Variants in RNF144A observed in about 807,000 individuals in gnomAD.
The protein encoded by RNF144A is E3 ubiquitin-protein ligase RNF144A.
RNF144A carries 11 observed loss-of-function variants against 38.7 expected under a neutral mutation model. The ratio of observed to expected loss-of-function variants is 0.28; its 90% CI spans 0.18 to 0.47. The LOEUF is 0.47. Ranked by LOEUF, RNF144A falls within the 20% of genes least tolerant of loss-of-function variation. The probability of loss-of-function intolerance (pLI) is 0.99; values close to 1 mark genes in which losing one functional copy is unlikely to be tolerated. For missense variants in RNF144A, 316 were observed against 377.2 expected (o/e 0.84, Z 1.34); for synonymous variants, 149 against 143.9 (o/e 1.04, Z -0.25).
intron 2 of RNF144A, among the ~76,000 whole-genome samples, chr2:6,950,680 T>G (rs1313473538): frequency 6.6e-6 from 1 of 152,266 alleles, no homozygotes; most frequent in Admixed American, 6.5e-5. Flanking sequence ...AAGAGTTTCC[T>G]TTAAAATTTA....
intron 2 of RNF144A, among the ~76,000 whole-genome samples, chr2:6,954,381 A>G (rs548961696): frequency 6.6e-6 from 1 of 152,340 alleles, no homozygotes; most frequent in East Asian, 1.9e-4. Context: ...AAAGCCTTAA[A>G]TTCTCAGTTT....
chr2:6,960,527 G>A (rs1469934519), intron 2 of RNF144A, among the ~76,000 whole-genome samples: 3 of 152,170 alleles, frequency 2.0e-5, no homozygotes, highest in East Asian at 3.8e-4. Flanking sequence ...ACACACAACC[G>A]GGGAAGTATA....
intron 3 of RNF144A, among the ~76,000 whole-genome samples, chr2:7,000,041 G>A (rs367906): frequency 0.25 from 37,361 of 152,136 alleles, 5,728 homozygotes; most frequent in Non-Finnish European, 0.35. Context: ...AAAGGGACTG[G>A]CCTAGCAATT....
chr2:7,020,597 C>A lies in RNF144A; in HGVS notation c.426C>A (p.Phe142Leu). 1 of 1,611,740 alleles carries A rather than the reference C, an allele frequency of 6.2e-7. No homozygotes were observed. The highest frequency in any genetic ancestry group is 1.1e-5 in the South Asian group (1 of 91,088). ...PVQCKACRME[F>L]CSTCKASWHP... ...AGTGCAAAGCCTGCCGTATGGAATT[C>A]TGCTCCACCTGCAAAGCCAGCTGGC... Residue 142 changes from phenylalanine (F) to leucine (L), a missense_variant, in exon 6 of 9, where the codon TTC (phenylalanine) becomes TTA (leucine). Physicochemically the swap from Phe to Leu is conservative, Grantham distance 22. Coordinates refer to ENST00000320892, the MANE Select transcript of RNF144A (RefSeq NM_014746.6).
intron 1 of RNF144A, among the ~76,000 whole-genome samples, chr2:6,936,740 A>G (rs939410462): frequency 1.3e-5 from 2 of 152,128 alleles, no homozygotes; most frequent in Non-Finnish European, 2.9e-5. Context: ...AGAAAGGTGT[A>G]AATTAATTAA....
chr2:6,935,526 C>T (rs1234880039), intron 1 of RNF144A, among the ~76,000 whole-genome samples: 4 of 152,234 alleles, frequency 2.6e-5, no homozygotes, highest in South Asian at 2.1e-4. Context: ...CATCCCTGCC[C>T]GGGTGAGCTC....
chr2:7,023,708 G>C (rs1424916022), intron 6 of RNF144A, among the ~76,000 whole-genome samples: 1 of 152,200 alleles, frequency 6.6e-6, no homozygotes, highest in African/African-American at 2.4e-5. Flanking sequence ...ACCCTGCGCT[G>C]TGCTCTTGGC....
chr2:7,009,397 T>G (rs1244888024), intron 3 of RNF144A, among the ~76,000 whole-genome samples: 1 of 152,156 alleles, frequency 6.6e-6, no homozygotes, highest in African/African-American at 2.4e-5. Flanking sequence ...AGCAGCTGAC[T>G]GTGAGCCTGC....
At chr2:7,064,589 G>A (rs541513429) in intron 6 of RNF144A, among the ~76,000 whole-genome samples, 1 of 152,232 alleles carries the variant, frequency 6.6e-6, no homozygotes, top group South Asian at 2.1e-4. Context: ...CTGAAGTAAA[G>A]GGAAGAGTTC....
intron 2 of RNF144A, among the ~76,000 whole-genome samples, chr2:6,986,139 T>C (rs1413295073): frequency 6.6e-6 from 1 of 152,172 alleles, no homozygotes; most frequent in East Asian, 1.9e-4. Flanking sequence ...GGAAGCCAGC[T>C]GTCCCAGCCA....
chr2:7,028,582 G>T (rs190296866), intron 7 of RNF144A, among the ~76,000 whole-genome samples: 1 of 152,172 alleles, frequency 6.6e-6, no homozygotes, highest in Non-Finnish European at 1.5e-5. Flanking sequence ...ATTCAAAAAC[G>T]TTTAAAGAGC....
At chr2:6,932,459 T>C (rs1239837681) in intron 1 of RNF144A, among the ~76,000 whole-genome samples, 1 of 151,688 alleles carries the variant, frequency 6.6e-6, no homozygotes, top group African/African-American at 2.4e-5. Context: ...TATTTGGAGA[T>C]TTTTTTTTCC....
downstream of RNF144A, among the ~76,000 whole-genome samples, chr2:7,048,044 C>T (rs969093577): frequency 5.9e-5 from 9 of 152,132 alleles, no homozygotes; most frequent in Non-Finnish European, 1.2e-4. Flanking sequence ...CTTTCTGTTC[C>T]TGGGATAGTT....
chr2:7,018,290 C>T (rs931904212), intron 5 of RNF144A, among the ~76,000 whole-genome samples: 2 of 152,230 alleles, frequency 1.3e-5, no homozygotes, highest in African/African-American at 4.8e-5. Flanking sequence ...TCTTCCCGCG[C>T]AGCGTGTTGT....
intron 1 of RNF144A, among the ~76,000 whole-genome samples, chr2:6,930,420 T>C (rs1267382152): frequency 6.6e-6 from 1 of 152,072 alleles, no homozygotes; most frequent in Non-Finnish European, 1.5e-5. Context: ...TCACTTAGTT[T>C]TGTAAAAAAT....
At chr2:6,982,013 A>G (rs1281453731) in intron 2 of RNF144A, among the ~76,000 whole-genome samples, 1 of 152,150 alleles carries the variant, frequency 6.6e-6, no homozygotes, top group Non-Finnish European at 1.5e-5. Flanking sequence ...CACAGGGGAA[A>G]CTGCCACTTT....
At chr2:6,981,694 T>G (rs979585292) in intron 2 of RNF144A, among the ~76,000 whole-genome samples, 1 of 152,174 alleles carries the variant, frequency 6.6e-6, no homozygotes, top group Non-Finnish European at 1.5e-5. Flanking sequence ...TTCCCACATC[T>G]TCCTGTCTTA....
intron 2 of RNF144A, among the ~76,000 whole-genome samples, chr2:6,980,952 G>A (rs1024549273): frequency 1.8e-4 from 27 of 152,334 alleles, no homozygotes; most frequent in South Asian, 8.3e-4. Flanking sequence ...CCAATACCAC[G>A]TGGAAGGTGC....
chr2:7,043,013 A>G lies in RNF144A; in HGVS notation c.*3253A>G, dbSNP rs574006636. 58 of 458,002 alleles carry G rather than the reference A, an allele frequency of 1.3e-4. 1 individual carries two copies. In the East Asian group the frequency reaches 7.3e-3, roughly 58 times the overall value. The allele number at this position is 458,002 out of a possible 1,614,324, so 28.4% of individuals were successfully genotyped here. A position where few individuals can be genotyped will look rare whatever the true frequency, so the allele number is the denominator to read the frequency against. On this transcript the variant is annotated 3_prime_UTR_variant, in exon 9 of 9. Coordinates refer to ENST00000320892, the MANE Select transcript of RNF144A (RefSeq NM_014746.6). ...CTCCCAAGTAGCTGGGATTACAGGC[A>G]CCCACCACCTCACCCAGCTAATTTT...
Sources: gnomAD v4.1 joint callset for allele counts (sites outside exome capture counted in the v4.1 genomes callset) on GRCh38, gnomAD v4.1.1 for gene constraint, MANE v1.5 for transcripts, NCBI Gene and HGNC (gene_info 2026-07-23, HGNC 2026-07-21) for gene names.